Variants in MYO5B observed in about 807,000 individuals in gnomAD.
MYO5B encodes the protein myosin VB.
Under a neutral mutation model 229.3 loss-of-function variants are expected in MYO5B, and 143 were observed. The observed-to-expected ratio is 0.62, with a 90% CI of 0.54 to 0.72. The LOEUF is 0.72. Among genes scored for constraint, MYO5B ranks in the 30% least tolerant of loss-of-function variants. MYO5B has a pLI of 0.00. For synonymous variants in MYO5B, 918 were observed against 885.2 expected, an observed-to-expected ratio of 1.04 and a Z score of -0.66; for missense variants, 2,321 against 2,331.0, an observed-to-expected ratio of 1.00 and a Z score of 0.09.
chr18:50,060,956 A>C (rs2030671813), intron 1 of MYO5B, among the ~76,000 whole-genome samples: 1 of 152,218 alleles, frequency 6.6e-6, no homozygotes, highest in Admixed American at 6.5e-5. Flanking sequence ...ACTGGGTAAC[A>C]GATTTGAAGG....
chr18:49,890,633 A>G (rs901529417), intron 22 of MYO5B, among the ~76,000 whole-genome samples: 2 of 152,224 alleles, frequency 1.3e-5, no homozygotes, highest in South Asian at 2.1e-4. Context: ...TATTAGTACT[A>G]TAAGAAGACC....
chr18:50,157,175 G>C (rs551467926), intron 1 of MYO5B, among the ~76,000 whole-genome samples: 2 of 151,534 alleles, frequency 1.3e-5, no homozygotes, highest in Admixed American at 1.3e-4. Flanking sequence ...GCGTGATCTC[G>C]GCTCACTGCA....
intron 1 of MYO5B, among the ~76,000 whole-genome samples, chr18:50,143,826 G>T (rs531835611): frequency 6.6e-5 from 10 of 152,194 alleles, no homozygotes; most frequent in Middle Eastern, 3.4e-3. Context: ...TGTCTCCTAC[G>T]CACCTGCCTT....
Position 50,056,289 on chromosome 18 carries a change from C to G in MYO5B, c.28-911G>C, listed in dbSNP as rs1327398999. ...TCCCAGCCCTACTTGCAGTCAGAATCACCTGGGGAGCCTGGAAAATATCAA... is the reference window on the plus strand; with the variant it reads ...TCCCAGCCCTACTTGCAGTCAGAATGACCTGGGGAGCCTGGAAAATATCAA... On this transcript the variant is annotated intron_variant, in intron 1 of 39. Coordinates refer to ENST00000285039, the MANE Select transcript of MYO5B (RefSeq NM_001080467.3). Among the ~76,000 whole-genome samples, 3 of 152,298 alleles carry G rather than the reference C, an allele frequency of 2.0e-5. No homozygotes were observed. In the East Asian group the frequency reaches 5.8e-4, roughly 29 times the overall value.
intron 1 of MYO5B, among the ~76,000 whole-genome samples, chr18:50,067,715 C>T (rs913025546): frequency 3.9e-5 from 6 of 152,182 alleles, no homozygotes; most frequent in Non-Finnish European, 8.8e-5. Flanking sequence ...GCTGGCTCCC[C>T]TTTGTCTCCT....
At chr18:50,123,544 T>C (rs1008861413) in intron 1 of MYO5B, among the ~76,000 whole-genome samples, 2 of 151,852 alleles carry the variant, frequency 1.3e-5, no homozygotes, top group African/African-American at 2.4e-5. Flanking sequence ...CTGGGCAACA[T>C]AGCAAAAACC....
chr18:50,175,911 C>T (rs1268117351), intron 1 of MYO5B, among the ~76,000 whole-genome samples: 2 of 152,250 alleles, frequency 1.3e-5, no homozygotes, highest in Non-Finnish European at 2.9e-5. Flanking sequence ...AACACATACC[C>T]ATTGCTGGTC....
intron 5 of MYO5B, among the ~76,000 whole-genome samples, chr18:49,997,076 G>C (rs2025995409): frequency 6.6e-6 from 1 of 151,906 alleles, no homozygotes; most frequent in Non-Finnish European, 1.5e-5. Context: ...GACTAGCCTG[G>C]GCAATGTGGC....
chr18:50,161,010 T>C (rs1205415321), intron 1 of MYO5B, among the ~76,000 whole-genome samples: 8 of 152,232 alleles, frequency 5.3e-5, no homozygotes, highest in Admixed American at 5.2e-4. Context: ...CCTCAGCTTG[T>C]GTCCTCCTTG....
At chr18:49,961,381 TTC>T (rs1226390220) in intron 12 of MYO5B, among the ~76,000 whole-genome samples, 7 of 152,358 alleles carry the variant, frequency 4.6e-5, no homozygotes, top group Middle Eastern at 6.8e-3. Context: ...TGGTATATTT[TTC>T]TCTGTCTTCT....
At chr18:50,105,252 A>AAATAAAT (rs1568108377) in intron 1 of MYO5B, among the ~76,000 whole-genome samples, 1 of 130,474 alleles carries the variant, frequency 7.7e-6, no homozygotes, top group African/African-American at 3.1e-5. Flanking sequence ...AATAAATAAA[A>AAATAAAT]AATAGATAAA....
intron 18 of MYO5B, among the ~76,000 whole-genome samples, chr18:49,910,429 CAG>C (rs1483513090): frequency 6.6e-6 from 1 of 152,134 alleles, no homozygotes; most frequent in Non-Finnish European, 1.5e-5. Flanking sequence ...TGACCTTTAA[CAG>C]AGATTTTTCT....
chr18:49,894,943 T>C lies in MYO5B; in HGVS notation c.3043A>G (p.Lys1015Glu), dbSNP rs535609385. 9.3e-6 allele frequency: 15 copies of C among 1,612,374 alleles called. No homozygotes were observed. In the South Asian group the frequency reaches 1.2e-4, roughly 13 times the overall value. ...CTGCCCCTCTGGCCTGAGCATACCT[T>C]CCTCAGCTCATCTTTCTCCCTGCTG... ...AHSREKDELR[K>E]RVADLEQENA... The change falls in exon 22 of 40, where the codon AAG becomes GAG. Residue 1015 changes from lysine (K) to glutamate (E), a missense_variant and splice_region_variant. Lys to Glu is a moderately conservative substitution (Grantham distance 56, BLOSUM62 1). Around this residue, in one of 2 missense-constraint regions of MYO5B, gnomAD observed 2,113 missense variants for 2,044.7 expected, o/e 1.03. Coordinates refer to ENST00000285039, the MANE Select transcript of MYO5B (RefSeq NM_001080467.3).
intron 1 of MYO5B, among the ~76,000 whole-genome samples, chr18:50,151,279 A>G (rs552934758): frequency 9.9e-5 from 15 of 152,216 alleles, no homozygotes; most frequent in Non-Finnish European, 1.8e-4. Context: ...AAGAATTTCC[A>G]TCATACTATA....
intron 17 of MYO5B, among the ~76,000 whole-genome samples, chr18:49,922,916 C>T (rs946048852): frequency 2.0e-5 from 3 of 152,146 alleles, no homozygotes. Context: ...GCTGGCAGCT[C>T]GGATTCGCAG....
chr18:50,042,095 T>C (rs2030033614), intron 2 of MYO5B, among the ~76,000 whole-genome samples: 1 of 152,176 alleles, frequency 6.6e-6, no homozygotes, highest in Non-Finnish European at 1.5e-5. Context: ...GACAAACAGT[T>C]ACACCACTTG....
intron 12 of MYO5B, among the ~76,000 whole-genome samples, chr18:49,960,508 G>T (rs1047227155): frequency 6.6e-6 from 1 of 152,166 alleles, no homozygotes; most frequent in African/African-American, 2.4e-5. Context: ...GCAGTAAAAT[G>T]CACCCTTTCA....
chr18:49,977,602 G>T (rs2025766124), intron 9 of MYO5B, among the ~76,000 whole-genome samples: 1 of 152,144 alleles, frequency 6.6e-6, no homozygotes, highest in African/African-American at 2.4e-5. Context: ...CCTCCCCAAG[G>T]ACTTGTAGTC....
At chr18:49,852,655 C>T (rs2024215750) in intron 31 of MYO5B, among the ~76,000 whole-genome samples, 1 of 152,110 alleles carries the variant, frequency 6.6e-6, no homozygotes, top group Non-Finnish European at 1.5e-5. Context: ...GTGATCGGCA[C>T]TGCTGAGCCC....
Sources: gnomAD v4.1 joint callset for allele counts (sites outside exome capture counted in the v4.1 genomes callset) on GRCh38, gnomAD v4.1.1 for gene constraint, gnomAD v4.1.1 regional missense constraint, MANE v1.5 for transcripts, NCBI Gene and HGNC (gene_info 2026-07-23, HGNC 2026-07-21) for gene names.